STK3: variants seen among roughly 807,000 people sequenced by gnomAD.
STK3 encodes serine/threonine kinase 3, also known as serine/threonine-protein kinase 3.
Under a neutral mutation model 58.0 loss-of-function variants are expected in STK3, and 41 were observed. That is an observed-to-expected ratio of 0.71 (90% CI 0.55 to 0.92). The LOEUF is 0.92. Ranked by LOEUF, STK3 falls within the 40% of genes least tolerant of loss-of-function variation. STK3 has a pLI of 0.00. For missense variants in STK3, 479 were observed against 602.7 expected, an observed-to-expected ratio of 0.79 and a Z score of 2.15; for synonymous variants, 170 against 191.0, an observed-to-expected ratio of 0.89 and a Z score of 0.91.
chr8:98,461,240 ATTCT>A (rs1819949063), intron 10 of STK3, among the ~76,000 whole-genome samples: 3 of 151,130 alleles, frequency 2.0e-5, no homozygotes, highest in African/African-American at 4.9e-5. Context: ...ACATAATGTC[ATTCT>A]TTGTCTTTTT....
At chr8:98,457,619 A>G (rs1019780081) in intron 10 of STK3, among the ~76,000 whole-genome samples, 1 of 152,214 alleles carries the variant, frequency 6.6e-6, no homozygotes, top group South Asian at 2.1e-4. Flanking sequence ...TATTCCAAAA[A>G]ATACTTAGAC....
At chr8:98,535,252 G>A (rs769448342) in intron 9 of STK3, among the ~76,000 whole-genome samples, 2 of 152,126 alleles carry the variant, frequency 1.3e-5, no homozygotes, top group African/African-American at 2.4e-5. Flanking sequence ...TCACTGAAGC[G>A]TATTTCTAGA....
At chr8:98,478,969 G>A (rs1375001803) in intron 10 of STK3, among the ~76,000 whole-genome samples, 1 of 152,176 alleles carries the variant, frequency 6.6e-6, no homozygotes, top group African/African-American at 2.4e-5. Flanking sequence ...AGTGGTACTT[G>A]CTGCTAAATA....
intron 9 of STK3, among the ~76,000 whole-genome samples, chr8:98,536,914 T>C (rs1430607854): frequency 6.6e-6 from 1 of 152,196 alleles, no homozygotes; most frequent in East Asian, 1.9e-4. Context: ...GTAGTTTAAA[T>C]ATCACTACGT....
the STK3 span, among the ~76,000 whole-genome samples, chr8:98,363,669 C>A: frequency 6.6e-6 from 1 of 152,232 alleles, no homozygotes; most frequent in East Asian, 1.9e-4. Flanking sequence ...AGTTGGTTAG[C>A]CATGGTACTG....
chr8:98,571,387 A>G (rs146702641), intron 8 of STK3, among the ~76,000 whole-genome samples: 1 of 152,254 alleles, frequency 6.6e-6, no homozygotes, highest in East Asian at 1.9e-4. Context: ...GTAAGGGGAA[A>G]GAGGGGAAGG....
intron 1 of STK3, among the ~76,000 whole-genome samples, chr8:98,908,860 A>G (rs111827268): frequency 0.025 from 3,706 of 149,774 alleles, 141 homozygotes; most frequent in African/African-American, 0.082. Context: ...AAAAAAAAAA[A>G]AAAAGAAAAA....
At chr8:98,352,756 T>C in the STK3 span, among the ~76,000 whole-genome samples, 1 of 152,150 alleles carries the variant, frequency 6.6e-6, no homozygotes, top group Non-Finnish European at 1.5e-5. Context: ...CTTCTGATGT[T>C]CCTTCTTACC....
chr8:98,554,503 A>G (rs1438017131), intron 8 of STK3, among the ~76,000 whole-genome samples: 6 of 152,150 alleles, frequency 3.9e-5, no homozygotes, highest in African/African-American at 1.2e-4. Flanking sequence ...GATTCACACA[A>G]TTGGCTTAGA....
At chr8:98,606,183 G>A (rs1192799097) in intron 6 of STK3, 1 of 152,146 alleles carries the variant, frequency 6.6e-6, no homozygotes, top group Non-Finnish European at 1.5e-5. Context: ...GCAGTATCAG[G>A]CTAGTATGAT....
intron 3 of STK3, among the ~76,000 whole-genome samples, chr8:98,396,374 T>A (rs1175182487): frequency 6.6e-6 from 1 of 152,204 alleles, no homozygotes; most frequent in East Asian, 1.9e-4. Context: ...GCTTATTGTG[T>A]CTACTGGGAG....
At chr8:98,838,887 C>G (rs142464852) in intron 3 of STK3, among the ~76,000 whole-genome samples, 15 of 151,572 alleles carry the variant, frequency 9.9e-5, no homozygotes, top group Non-Finnish European at 2.1e-4. Flanking sequence ...ACCCTACCAT[C>G]GAGGCCGTTT....
chr8:98,350,986 T>C, the STK3 span, among the ~76,000 whole-genome samples: 1 of 152,126 alleles, frequency 6.6e-6, no homozygotes, highest in Non-Finnish European at 1.5e-5. Context: ...GTACGTGGCA[T>C]GAAAAAGAAA....
At chr8:98,868,328 G>A (rs1450937303) in intron 3 of STK3, among the ~76,000 whole-genome samples, 1 of 152,182 alleles carries the variant, frequency 6.6e-6, no homozygotes, top group Admixed American at 6.5e-5. Context: ...ACAGCCGAAG[G>A]AGAAAGATCA....
At chr8:98,660,213 A>C (rs939377671) in intron 6 of STK3, among the ~76,000 whole-genome samples, 2 of 152,094 alleles carry the variant, frequency 1.3e-5, no homozygotes, top group Non-Finnish European at 2.9e-5. Context: ...TATCTAAAGT[A>C]GTTAAATTAT....
At chr8:98,934,601 T>C (rs1840128788) in intron 1 of STK3, among the ~76,000 whole-genome samples, 1 of 152,164 alleles carries the variant, frequency 6.6e-6, no homozygotes, top group Non-Finnish European at 1.5e-5. Context: ...TGACAGTGAT[T>C]ATGGTGCCAA....
At chr8:98,829,238 C>T (rs1434480518), upstream of STK3, among the ~76,000 whole-genome samples, 6 of 152,194 alleles carry the variant, frequency 3.9e-5, no homozygotes, top group Non-Finnish European at 7.4e-5. Context: ...CCTCCTTCCC[C>T]TTGACCCTTT....
At chr8:98,891,665 A>C (rs987355797) in intron 1 of STK3, among the ~76,000 whole-genome samples, 4 of 152,154 alleles carry the variant, frequency 2.6e-5, no homozygotes, top group African/African-American at 7.2e-5. Flanking sequence ...CAGTGCTTAG[A>C]TATAAACAGT....
upstream of STK3, among the ~76,000 whole-genome samples, chr8:98,828,238 A>C (rs936763288): frequency 5.9e-5 from 9 of 151,900 alleles, no homozygotes; most frequent in African/African-American, 1.9e-4. Flanking sequence ...AGCCACCCAA[A>C]GTGCTGTGAT....
Sources: allele counts gnomAD v4.1 joint callset (sites outside exome capture counted in the v4.1 genomes callset), GRCh38; gene constraint gnomAD v4.1.1; transcripts MANE v1.5; gene names NCBI Gene and HGNC (gene_info 2026-07-23, HGNC 2026-07-21).